CEP164: variants seen among roughly 807,000 people sequenced by gnomAD.
The protein encoded by CEP164 is centrosomal protein of 164 kDa.
A neutral mutation model predicts 182.7 loss-of-function variants in CEP164; 162 were observed. The observed-to-expected ratio is 0.89, with a 90% CI of 0.78 to 1.01. The LOEUF (loss-of-function observed/expected upper bound fraction) is 1.01. CEP164 is among the 50% of genes least tolerant of loss of function. CEP164 has a pLI of 0.00. For synonymous variants in CEP164, 661 were observed against 690.0 expected (o/e 0.96, Z 0.66); for missense variants, 1,735 against 1,790.4 (o/e 0.97, Z 0.56).
At chr11:117,375,840 C>A in intron 11 of CEP164, 49 bp downstream of exon 11, 1 of 1,569,890 alleles carries the variant, frequency 6.4e-7, no homozygotes, top group South Asian at 1.1e-5. Context: ...TTTTCCCTCA[C>A]AACTTTTTCG....
intron 4 of CEP164, among the ~76,000 whole-genome samples, chr11:117,347,321 T>C (rs2039028425): frequency 6.6e-6 from 1 of 152,366 alleles, no homozygotes; most frequent in Non-Finnish European, 1.5e-5. Flanking sequence ...TAATAAATCT[T>C]GAAATCATTT....
At position 117,387,322 on chromosome 11, in the gene CEP164, A is replaced by T; in HGVS notation, c.1844A>T (p.Gln615Leu). 6.2e-7 allele frequency: 1 copy of T among 1,614,230 alleles called. No homozygotes were observed. Among genetic ancestry groups the T allele is most frequent in the Non-Finnish European group, 8.5e-7 (1 of 1,180,050 alleles). Reference sequence around the variant, plus strand: ...CAGAGGCACCTGCTGGAATCCAAGCAAGAGAAGATGCAGCAACTGCGGGAG... The same window carrying T: ...CAGAGGCACCTGCTGGAATCCAAGCTAGAGAAGATGCAGCAACTGCGGGAG... ...QDQRHLLESK[Q>L]EKMQQLREKL... The change falls in exon 15 of 33, where the codon CAA becomes CTA. Residue 615 changes from glutamine (Q) to leucine (L), a missense_variant. Gln to Leu is a moderately radical substitution (Grantham distance 113). Coordinates refer to ENST00000278935, the MANE Select transcript of CEP164 (RefSeq NM_014956.5).
chr11:117,393,160 CACAT>C, intron 20 of CEP164, 34 bp downstream of exon 20: 1 of 1,601,622 alleles, frequency 6.2e-7, no homozygotes, highest in South Asian at 1.1e-5. Context: ...CGCATGCACA[CACAT>C]GCACACACAC....
At chr11:117,395,507 T>C (rs1477950035) in intron 23 of CEP164, 40 bp from the exon 24 acceptor site, 1 of 1,571,590 alleles carries the variant, frequency 6.4e-7, no homozygotes, top group African/African-American at 1.4e-5. Flanking sequence ...CTTCTCTCTG[T>C]GCTGTCTCTG....
Position 117,395,720 on chromosome 11 carries a change from C to A in CEP164, c.3087C>A (p.Phe1029Leu). Residue 1029 changes from phenylalanine (F) to leucine (L), a missense_variant and splice_region_variant, in exon 24 of 33, where the codon TTC becomes TTA. Phe to Leu is a conservative substitution (Grantham distance 22). Transcript: ENST00000278935. Reference protein sequence around the residue: ...QAQSQQLQKHFSSLEAEAQKK... With the variant: ...QAQSQQLQKHLSSLEAEAQKK... ...AGAGCCAGCAACTGCAGAAACACTT[C>A]AGGTGGCGTGGGCACCCTGCACTTA... The A allele has an allele frequency of 6.2e-7, 1 of 1,607,996 alleles. No individual in the cohort carries two copies.
chr11:117,375,604 T>A, intron 10 of CEP164, 104 bp from the exon 11 acceptor site: 1 of 863,418 alleles, frequency 1.2e-6, no homozygotes, highest in Non-Finnish European at 2.0e-6. Context: ...GCTGGGCACA[T>A]AATAGACATC....
Position 117,392,496 on chromosome 11 carries a change from G to A in CEP164, c.2362G>A (p.Val788Met), listed in dbSNP as rs2044795731. Residue 788 changes from valine (V) to methionine (M), a missense_variant and splice_region_variant, in exon 19 of 33, where the codon GTG becomes ATG. By Grantham distance (21) the Val-to-Met change is conservative. Coordinates refer to ENST00000278935, the MANE Select transcript of CEP164 (RefSeq NM_014956.5). ...CSSLEAKHRE[V>M]VSSLQKKIQE... is the part of the protein sequence containing the mutation. Reference sequence around the variant, plus strand: ...CCTGTGTGTGCGGGGGCCTCCTCAGGTGGTCTCCAGCCTCCAGAAGAAGAT... The same window carrying A: ...CCTGTGTGTGCGGGGGCCTCCTCAGATGGTCTCCAGCCTCCAGAAGAAGAT... 6.2e-7 allele frequency: 1 copy of A among 1,613,432 alleles called. No homozygotes were observed. Among genetic ancestry groups the A allele is most frequent in the Non-Finnish European group, 8.5e-7 (1 of 1,179,728 alleles).
In CEP164 at chr11:117,387,228, CCAGAGCAGCTCT is replaced by C; in HGVS notation, c.1756_1767del (p.Gln586_Glu589del). 1 of 1,614,132 alleles carries C rather than the reference CCAGAGCAGCTCT, an allele frequency of 6.2e-7. No homozygotes were observed. The highest frequency in any genetic ancestry group is 1.1e-5 in the South Asian group (1 of 91,068). ...GCGATCCACAGAGCCTGTGGCTCCC[CCAGAGCAGCTCT>C]CAGAGGCTGCACTAAAGGCCATGGA... On this transcript the variant is annotated inframe_deletion, in exon 15 of 33. Transcript: ENST00000278935.
intron 5 of CEP164, among the ~76,000 whole-genome samples, chr11:117,354,509 G>T (rs974842283): frequency 6.6e-5 from 10 of 152,064 alleles, no homozygotes; most frequent in Non-Finnish European, 1.3e-4. Flanking sequence ...GGCAGTGTGG[G>T]TCTTTGTGAC....
At chr11:117,395,990 C>G in intron 24 of CEP164, 64 bp from the exon 25 acceptor site, 1 of 1,602,488 alleles carries the variant, frequency 6.2e-7, no homozygotes, top group Non-Finnish European at 8.5e-7. Flanking sequence ...GGTTCTGACC[C>G]ACTTCACCCC....
rs758890143 is a variant in CEP164, at chr11:117,387,216, C to A, written c.1738C>A (p.Pro580Thr). The change falls in exon 15 of 33, where the codon CCT becomes ACT. Residue 580 changes from proline (P) to threonine (T), a missense_variant. Coordinates refer to ENST00000278935, the MANE Select transcript of CEP164 (RefSeq NM_014956.5). ...PVSPEVRSTE[P>T]VAPPEQLSEA... is the part of the protein sequence containing the mutation. Reference sequence around the variant, plus strand: ...CACCCATGGTAGGCGATCCACAGAGCCTGTGGCTCCCCCAGAGCAGCTCTC... The same window carrying A: ...CACCCATGGTAGGCGATCCACAGAGACTGTGGCTCCCCCAGAGCAGCTCTC... The A allele has an allele frequency of 1.9e-6, 3 of 1,613,992 alleles. No homozygotes were observed. The highest frequency in any genetic ancestry group is 2.7e-5 in the African/African-American group (2 of 74,932).
chr11:117,390,133 G>C (rs1279920447), intron 15 of CEP164, among the ~76,000 whole-genome samples: 1 of 151,768 alleles, frequency 6.6e-6, no homozygotes, highest in Admixed American at 6.6e-5. Context: ...AGTAGAGACG[G>C]GGTTTCGCCA....
In CEP164 at chr11:117,409,099, G is replaced by A; in HGVS notation, c.3748+71G>A. ...GGGAGGAACTTGGGGAATAGAAGAA[G>A]AGCTCTCTTCCCTCAGCCCTGCAGA... On this transcript the variant is annotated intron_variant, in intron 29 of 32. Coordinates refer to ENST00000278935, the MANE Select transcript of CEP164 (RefSeq NM_014956.5). The surrounding 1 kb of genome is among the most constrained non-coding windows in gnomAD (Gnocchi z 4.4). The A allele has an allele frequency of 6.3e-7, 1 of 1,591,690 alleles. No individual in the cohort carries two copies. The highest frequency in any genetic ancestry group is 8.6e-7 in the Non-Finnish European group (1 of 1,166,204).
Position 117,381,780 on chromosome 11 carries a change from G to C in CEP164, c.1489G>C (p.Gly497Arg). The change falls in exon 13 of 33, where the codon GGC (glycine) becomes CGC (arginine). Residue 497 changes from glycine to arginine, a missense_variant. Transcript: ENST00000278935. ...SLATEEEPPQ[G>R]PEGQPEWKEA... ...GGCCACTGAAGAAGAGCCTCCCCAG[G>C]GCCCCGAGGGGCAGCCCGAGTGGAA... The C allele has an allele frequency of 9.4e-6, 15 of 1,591,640 alleles. No homozygotes were observed. The highest frequency in any genetic ancestry group is 1.1e-5 in the Non-Finnish European group (13 of 1,168,644).
intron 5 of CEP164, chr11:117,355,174 CT>C: frequency 7.8e-7 from 1 of 1,289,872 alleles, no homozygotes; most frequent in Non-Finnish European, 1.0e-6. Flanking sequence ...TCCACCAGGT[CT>C]TTGCTGACAT....
chr11:117,363,331 G>A (rs1187443696), intron 7 of CEP164, 98 bp from the exon 8 acceptor site: 2 of 815,678 alleles, frequency 2.5e-6, no homozygotes, highest in African/African-American at 1.7e-5. Flanking sequence ...GGGCCCGCCT[G>A]TCAGCTCAGC....
intron 8 of CEP164, among the ~76,000 whole-genome samples, chr11:117,369,384 AGT>A (rs1289520810): frequency 6.6e-6 from 1 of 152,236 alleles, no homozygotes; most frequent in East Asian, 1.9e-4. Context: ...CACATCTGTA[AGT>A]GTGGAGCCAA....
chr11:117,407,446 C>G (rs1370810443), intron 27 of CEP164, among the ~76,000 whole-genome samples: 1 of 103,348 alleles, frequency 9.7e-6, no homozygotes, highest in Non-Finnish European at 1.8e-5. Context: ...CATTGCAAAA[C>G]TCTGTCTCTA....
intron 1 of CEP164, among the ~76,000 whole-genome samples, chr11:117,332,588 A>G (rs1372731908): frequency 6.6e-6 from 1 of 152,224 alleles, no homozygotes; most frequent in Non-Finnish European, 1.5e-5. Flanking sequence ...TCAAAAAGAA[A>G]GAAAGAAAAA....
Sources: allele counts gnomAD v4.1 joint callset (sites outside exome capture counted in the v4.1 genomes callset), GRCh38; gene constraint gnomAD v4.1.1; non-coding constraint Gnocchi (gnomAD v3.1); transcripts MANE v1.5; gene names NCBI Gene and HGNC (gene_info 2026-07-23, HGNC 2026-07-21).